Variants in TDRD12 observed in about 807,000 individuals in gnomAD.
TDRD12 encodes the protein tudor domain containing 12.
A neutral mutation model predicts 133.5 loss-of-function variants in TDRD12; 158 were observed. That is an observed-to-expected ratio of 1.18 (90% CI 1.04 to 1.35). The LOEUF (loss-of-function observed/expected upper bound fraction) is 1.35, where lower values mean the gene tolerates loss of function less well. TDRD12 is among the 40% of genes most tolerant of loss of function. TDRD12 has a pLI of 0.00. For missense variants in TDRD12, 1,443 were observed against 1,321.3 expected, an observed-to-expected ratio of 1.09 and a Z score of -1.43; for synonymous variants, 460 against 477.9, an observed-to-expected ratio of 0.96 and a Z score of 0.49.
At chr19:32,825,515 T>G (rs1223727352), downstream of TDRD12, among the ~76,000 whole-genome samples, 1 of 152,212 alleles carries the variant, frequency 6.6e-6, no homozygotes, top group Non-Finnish European at 1.5e-5. This position sits in a 1 kb window ranked among gnomAD's most constrained non-coding sequence, Gnocchi z 4.1. Context: ...GCAATGAGGT[T>G]CTTTTTCAAA....
exon 18 of TDRD12, chr19:32,800,719 C>A: frequency 6.5e-7 from 1 of 1,535,672 alleles, no homozygotes; most frequent in Non-Finnish European, 8.7e-7. Flanking sequence ...AAGTCAGGCA[C>A]AAAAGACCTT....
At chr19:32,732,614 A>C (rs553991034) in intron 2 of TDRD12, among the ~76,000 whole-genome samples, 10 of 152,292 alleles carry the variant, frequency 6.6e-5, no homozygotes, top group Middle Eastern at 6.8e-3. Context: ...TTGCAGACTC[A>C]GCTCTCACTG....
chr19:32,815,406 A>G (rs538168846), intron 25 of TDRD12, 42 bp from the exon 26 acceptor site: 3 of 1,478,198 alleles, frequency 2.0e-6, no homozygotes, highest in South Asian at 2.5e-5. Context: ...GTTAAAATTC[A>G]GAGTGATTAC....
chr19:32,811,503 G>T, intron 24 of TDRD12, 83 bp downstream of exon 24: 3 of 1,281,224 alleles, frequency 2.3e-6, no homozygotes, highest in Non-Finnish European at 3.3e-6. Context: ...GGCCTGTCTG[G>T]ATTTACAGTG....
chr19:32,797,752 G>A, exon 15 of TDRD12: 2 of 693,580 alleles, frequency 2.9e-6, no homozygotes, highest in Non-Finnish European at 2.6e-6. Flanking sequence ...CAGTCATCGT[G>A]TGCCCTGGGT....
At chr19:32,811,603 G>T (rs925071584) in intron 24 of TDRD12, among the ~76,000 whole-genome samples, 183 bp downstream of exon 24, 5 of 152,232 alleles carry the variant, frequency 3.3e-5, no homozygotes, top group African/African-American at 1.2e-4. Flanking sequence ...CCAGGCAGCT[G>T]CAACACTGTC....
Position 32,749,778 on chromosome 19 carries a change from A to C in TDRD12, c.497-6A>C, listed in dbSNP as rs926826598. On this transcript the variant is annotated splice_polypyrimidine_tract_variant and splice_region_variant and intron_variant, in intron 5 of 27. Transcript: ENST00000444215. ...GCTGATTTGTGTTTTCATTTATGCT[A>C]TTTAGCAACTACCCAGGTGGAAGCC... 131 of 1,544,360 alleles carry C rather than the reference A, an allele frequency of 8.5e-5. No homozygotes were observed. Among genetic ancestry groups the C allele is most frequent in the Admixed American group, 2.4e-4 (12 of 50,478 alleles).
exon 10 of TDRD12, chr19:32,829,046 T>C (rs1038910183): frequency 6.6e-6 from 1 of 152,342 alleles, no homozygotes; most frequent in Non-Finnish European, 1.5e-5. Context: ...TAGAAAGTTC[T>C]GGTGTTTTTG....
intron 1 of TDRD12, among the ~76,000 whole-genome samples, chr19:32,729,256 C>T (rs1490624754): frequency 1.6e-5 from 2 of 126,842 alleles, no homozygotes; most frequent in Non-Finnish European, 3.2e-5. Flanking sequence ...CTTGCTCTGT[C>T]GCCCAGGCTG....
intron 8 of TDRD12, among the ~76,000 whole-genome samples, chr19:32,769,723 G>A (rs932519644): frequency 6.6e-6 from 1 of 151,512 alleles, no homozygotes; most frequent in African/African-American, 2.4e-5. Flanking sequence ...CACAACCTCC[G>A]CCTCCTGGAT....
intron 16 of TDRD12, among the ~76,000 whole-genome samples, chr19:32,798,914 G>T (rs566849623): frequency 1.3e-5 from 2 of 152,306 alleles, no homozygotes; most frequent in South Asian, 4.1e-4. Flanking sequence ...CAGCGTAAGG[G>T]CCACCGCTTC....
intron 8 of TDRD12, among the ~76,000 whole-genome samples, chr19:32,763,202 T>G (rs1970200032): frequency 6.6e-6 from 1 of 152,206 alleles, no homozygotes; most frequent in South Asian, 2.1e-4. Context: ...TTGCCCTTGT[T>G]TTTTTGTTCC....
intron 1 of TDRD12, among the ~76,000 whole-genome samples, chr19:32,729,560 T>TTG (rs1343653811): frequency 2.0e-5 from 3 of 151,332 alleles, no homozygotes; most frequent in Non-Finnish European, 2.9e-5. Context: ...TTTCCACAGC[T>TTG]TGTGTGTGTG....
At chr19:32,731,282 C>T (rs1242619865) in intron 1 of TDRD12, among the ~76,000 whole-genome samples, 1 of 152,084 alleles carries the variant, frequency 6.6e-6, no homozygotes, top group African/African-American at 2.4e-5. Context: ...AAATCAGGCA[C>T]AGTGGCTTAT....
chr19:32,754,012 G>GT (rs914061709), intron 6 of TDRD12, among the ~76,000 whole-genome samples: 1 of 152,150 alleles, frequency 6.6e-6, no homozygotes, highest in African/African-American at 2.4e-5. Flanking sequence ...TACTTAGGTT[G>GT]TTTTTTCTCT....
At chr19:32,820,441 G>T (rs1967340058) in intron 27 of TDRD12, among the ~76,000 whole-genome samples, 1 of 152,050 alleles carries the variant, frequency 6.6e-6, no homozygotes, top group Non-Finnish European at 1.5e-5. Context: ...CATGAATGTG[G>T]TTACCTATTC....
Position 32,773,000 on chromosome 19 carries a change from G to C in TDRD12, c.963+150G>C, listed in dbSNP as rs554086505. The stretch of plus-strand genomic sequence containing the variant: ...TTTCCTTCATGAGAAAATATAGTTT[G>C]CTTGTTTGCTTATTTTGAAAGGAGA... On this transcript the variant is annotated intron_variant, in intron 9 of 27. Coordinates refer to ENST00000444215, the Ensembl canonical transcript of TDRD12. 6.8e-5 allele frequency: 31 copies of C among 456,640 alleles called. No homozygotes were observed. In the South Asian group the frequency reaches 2.0e-3, roughly 29 times the overall value. The allele number at this position is 456,640 out of a possible 1,614,324, so 28.3% of individuals were successfully genotyped here. A position where few individuals can be genotyped will look rare whatever the true frequency, so the allele number is the denominator to read the frequency against.
At chr19:32,803,733 A>G (rs754187956) in intron 21 of TDRD12, among the ~76,000 whole-genome samples, 9 of 152,110 alleles carry the variant, frequency 5.9e-5, no homozygotes, top group African/African-American at 9.7e-5. Flanking sequence ...GTTGTCCCCA[A>G]CCCTCACCAG....
At chr19:32,770,435 G>A (rs1302237000) in intron 8 of TDRD12, among the ~76,000 whole-genome samples, 1 of 151,420 alleles carries the variant, frequency 6.6e-6, no homozygotes, top group Non-Finnish European at 1.5e-5. Flanking sequence ...TCATTTCTCT[G>A]AGCCTTAAAT....
Sources: allele counts gnomAD v4.1 joint callset (sites outside exome capture counted in the v4.1 genomes callset), GRCh38; gene constraint gnomAD v4.1.1; non-coding constraint Gnocchi (gnomAD v3.1); transcripts MANE v1.5; gene names NCBI Gene and HGNC (gene_info 2026-07-23, HGNC 2026-07-21).